MAPK6: variants seen among roughly 807,000 people sequenced by gnomAD.
The protein encoded by MAPK6 is ERK-3.
Under a neutral mutation model 59.3 loss-of-function variants are expected in MAPK6, and 19 were observed. The ratio of observed to expected loss-of-function variants is 0.32; its 90% CI spans 0.22 to 0.47. The LOEUF (loss-of-function observed/expected upper bound fraction) is 0.47, where lower values mean the gene tolerates loss of function less well. Ranked by LOEUF, MAPK6 falls within the 20% of genes least tolerant of loss-of-function variation. MAPK6 has a pLI of 1.00. For synonymous variants in MAPK6, 316 were observed against 290.3 expected (o/e 1.09, Z -0.90); for missense variants, 724 against 847.9 (o/e 0.85, Z 1.81).
chr15:52,055,086 A>G (rs1467059422), intron 3 of MAPK6, among the ~76,000 whole-genome samples: 1 of 152,188 alleles, frequency 6.6e-6, no homozygotes, highest in Non-Finnish European at 1.5e-5. Flanking sequence ...GGCCAAGTGG[A>G]CACATTTTAA....
chr15:52,029,713 C>T (rs879920856), intron 1 of MAPK6, among the ~76,000 whole-genome samples: 34 of 152,272 alleles, frequency 2.2e-4, no homozygotes, highest in Admixed American at 1.8e-3. Flanking sequence ...CATAGCTAAT[C>T]CATCATCAAG....
At chr15:51,992,477 A>AT (rs910724929) in intron 2 of MAPK6, among the ~76,000 whole-genome samples, 4 of 150,408 alleles carry the variant, frequency 2.7e-5, no homozygotes, top group African/African-American at 9.8e-5. Context: ...AATTTTTTGC[A>AT]TTTTTTTTAG....
intron 1 of MAPK6, chr15:52,021,414 A>G (rs945374929): frequency 1.3e-5 from 2 of 151,092 alleles, no homozygotes; most frequent in Non-Finnish European, 2.9e-5. Context: ...ATGATAGGCT[A>G]AAATGTTCCT....
At position 52,055,800 on chromosome 15, in the gene MAPK6, C is replaced by T. The variant is rs573054186; in HGVS notation, c.701-2833C>T. On this transcript the variant is annotated intron_variant, in intron 3 of 5. Transcript: ENST00000261845. ...AAAGTGCTGGGATTACAGGTGTGAG[C>T]CACTGCTCTCGGCTGTATTTGTGTA... 3.3e-5 allele frequency among the ~76,000 whole-genome samples: 5 copies of T among 152,262 alleles called. No homozygotes were observed. The South Asian group carries it at 1.0e-3, about 32-fold the overall frequency.
At chr15:52,030,611 CTTTTTTTTTTTTTT>C (rs11295636) in intron 1 of MAPK6, among the ~76,000 whole-genome samples, 18 of 35,712 alleles carry the variant, frequency 5.0e-4, no homozygotes, top group African/African-American at 1.5e-3. Context: ...CAGAAGAAGG[CTTTTTTTTTTTTTT>C]TTTTTTTTTT....
chr15:52,043,588 C>G (rs145680105), intron 1 of MAPK6, among the ~76,000 whole-genome samples: 1 of 150,808 alleles, frequency 6.6e-6, no homozygotes, highest in South Asian at 2.1e-4. Context: ...TGAGCCACCG[C>G]GCCTGGCCAC....
At chr15:51,988,760 A>AC (rs1389435720) in intron 2 of MAPK6, among the ~76,000 whole-genome samples, 1 of 151,864 alleles carries the variant, frequency 6.6e-6, no homozygotes, top group Non-Finnish European at 1.5e-5. Context: ...ACACACACAC[A>AC]CACACAAAAC....
intron 3 of MAPK6, among the ~76,000 whole-genome samples, chr15:52,008,563 G>A (rs1214973194): frequency 1.3e-5 from 2 of 152,190 alleles, no homozygotes; most frequent in African/African-American, 4.8e-5. Flanking sequence ...CATACTTATT[G>A]CATCTATCTC....
chr15:52,024,900 TTTA>T (rs1336374731), intron 1 of MAPK6, among the ~76,000 whole-genome samples: 1,995 of 148,306 alleles, frequency 0.013, 22 homozygotes, highest in African/African-American at 0.028. Context: ...TTTTTTTTTT[TTTA>T]AGAATTGGAG....
At chr15:52,000,228 T>C (rs2057238227) in intron 2 of MAPK6, among the ~76,000 whole-genome samples, 1 of 152,128 alleles carries the variant, frequency 6.6e-6, no homozygotes, top group Non-Finnish European at 1.5e-5. Flanking sequence ...CGTGAGCCAC[T>C]GTACCTGGCC....
intron 2 of MAPK6, among the ~76,000 whole-genome samples, chr15:51,997,067 C>T (rs2057226584): frequency 1.3e-5 from 2 of 151,908 alleles, no homozygotes; most frequent in Admixed American, 6.6e-5. Context: ...GCAACGTCTG[C>T]CTCCCAGGTT....
At position 52,067,073 on chromosome 15, in the gene MAPK6, T is replaced by C. The variant is rs539763008; in HGVS notation, c.*2073T>C. On this transcript the variant is annotated 3_prime_UTR_variant, in exon 6 of 6. Coordinates refer to ENST00000261845, the MANE Select transcript of MAPK6 (RefSeq NM_002748.4). ...CCAATTTTTTGCAAACGTATGTTGA[T>C]TTTGAGAATAATTAGCTTTGACTCT... The C allele has an allele frequency of 6.6e-6, 1 of 152,246 alleles. No homozygotes were observed. 9.4% of individuals were successfully genotyped at this position (152,246 alleles called of 1,614,324 possible). A position where few individuals can be genotyped will look rare whatever the true frequency, so the allele number is the denominator to read the frequency against.
At chr15:52,024,600 C>T (rs139428271) in intron 1 of MAPK6, 2,420 of 151,552 alleles carry the variant, frequency 0.016, 28 homozygotes, top group African/African-American at 0.032. Flanking sequence ...GGGGTTTCAC[C>T]GTGTTAGCCA....
intron 1 of MAPK6, among the ~76,000 whole-genome samples, chr15:51,972,226 C>A (rs1416044814): frequency 6.6e-6 from 1 of 152,154 alleles, no homozygotes; most frequent in Non-Finnish European, 1.5e-5. Flanking sequence ...GCAACCTCCA[C>A]TGTCCGGGTT....
In MAPK6 at chr15:52,003,218, A is replaced by C. The variant is rs185297817; in HGVS notation, c.-769-1047A>C. 2.9e-4 allele frequency among the ~76,000 whole-genome samples: 44 copies of C among 152,130 alleles called. 4 individuals carry two copies. Among genetic ancestry groups the C allele is most frequent in the South Asian group, 2.1e-3 (10 of 4,802 alleles). On this transcript the variant is annotated intron_variant, in intron 2 of 7. Transcript: ENST00000691380. Reference sequence around the variant, plus strand: ...AAAAACCAAAAAACAAACAAAAAAAACACGATCAGATCTCGTGAGAACTCA... The same window carrying C: ...AAAAACCAAAAAACAAACAAAAAAACCACGATCAGATCTCGTGAGAACTCA...
chr15:52,054,440 C>A (rs1040995723), intron 3 of MAPK6, among the ~76,000 whole-genome samples: 8 of 152,046 alleles, frequency 5.3e-5, no homozygotes, highest in African/African-American at 1.7e-4. Flanking sequence ...TGTCCTGGCA[C>A]CATTTGTTGA....
At chr15:52,056,040 A>G (rs1189102472) in intron 3 of MAPK6, among the ~76,000 whole-genome samples, 2 of 152,258 alleles carry the variant, frequency 1.3e-5, no homozygotes, top group East Asian at 3.8e-4. Flanking sequence ...CAATAAAAAC[A>G]CGAAGGGAAA....
intron 1 of MAPK6, among the ~76,000 whole-genome samples, chr15:52,041,462 C>G (rs1266394053): frequency 6.6e-6 from 1 of 152,194 alleles, no homozygotes; most frequent in Non-Finnish European, 1.5e-5. Context: ...TCCCAAAATG[C>G]TGGGATTACA....
At chr15:52,030,455 C>T (rs896892642) in intron 1 of MAPK6, among the ~76,000 whole-genome samples, 1 of 152,014 alleles carries the variant, frequency 6.6e-6, no homozygotes, top group Non-Finnish European at 1.5e-5. Flanking sequence ...GCATTGTACC[C>T]AGTGTAACGT....
Sources: allele counts gnomAD v4.1 joint callset (sites outside exome capture counted in the v4.1 genomes callset), GRCh38; gene constraint gnomAD v4.1.1; transcripts MANE v1.5; gene names NCBI Gene and HGNC (gene_info 2026-07-23, HGNC 2026-07-21).